LITAF: variants seen among roughly 807,000 people sequenced by gnomAD.
LITAF encodes the protein lipopolysaccharide induced TNF factor, also known as lipopolysaccharide-induced tumor necrosis factor-alpha factor.
LITAF carries 9 observed loss-of-function variants against 14.5 expected under a neutral mutation model. The ratio of observed to expected loss-of-function variants is 0.62; its 90% CI spans 0.37 to 1.08. The LOEUF is 1.08. Among genes scored for constraint, LITAF ranks in the 50% least tolerant of loss-of-function variants. The pLI is 0.01. For missense variants in LITAF, 206 were observed against 213.4 expected (o/e 0.97, Z 0.22); for synonymous variants, 98 against 88.2 (o/e 1.11, Z -0.62).
Position 11,548,782 on chromosome 16 carries a change from C to T in LITAF, c.*855G>A. ...CTTGAGCCCAGGAGTTCGACACCAG[C>T]CTGGGCAACATAGTAAGACCCCATC... On this transcript the variant is annotated 3_prime_UTR_variant, in exon 4 of 4. Coordinates refer to ENST00000622633, the MANE Select transcript of LITAF (RefSeq NM_001136472.2). The T allele has an allele frequency of 2.2e-6, 1 of 453,202 alleles. No homozygotes were observed. The highest frequency in any genetic ancestry group is 1.6e-5 in the South Asian group (1 of 64,194). The allele number at this position is 453,202 out of a possible 1,614,324, so 28.1% of individuals were successfully genotyped here.
Position 11,627,118 on chromosome 16 carries a change from A to G in LITAF, c.85+6415T>C, listed in dbSNP as rs143836933. ...CCTTCCTAGCCCCAGGGGCTGTGTC[A>G]TGCACATGACCAAGCCTGGCCAGTG... On this transcript the variant is annotated intron_variant, in intron 3 of 3. Transcript: ENST00000574848. Among the ~76,000 whole-genome samples, 1,331 of 152,234 alleles carry G rather than the reference A, an allele frequency of 8.7e-3. 26 individuals carry two copies. The highest frequency in any genetic ancestry group is 0.031 in the African/African-American group (1,288 of 41,536).
At chr16:11,579,504 TAAAATAAAATAAAATAAA>T (rs2064700144) in intron 1 of LITAF, among the ~76,000 whole-genome samples, 1 of 102,334 alleles carries the variant, frequency 9.8e-6, no homozygotes, top group Admixed American at 9.2e-5. Flanking sequence ...TAAAATAAAA[TAAAATAAAATAAAATAAA>T]ATAAAATATA....
In LITAF at chr16:11,551,675, T is replaced by A. The variant is rs28482114; in HGVS notation, c.377+1858A>T. 285 of 612,220 alleles carry A rather than the reference T, an allele frequency of 4.7e-4. 1 individual carries two copies. Among genetic ancestry groups the A allele is most frequent in the Non-Finnish European group, 6.6e-4 (228 of 343,974 alleles). 37.9% of individuals were successfully genotyped at this position (612,220 alleles called of 1,614,324 possible). A position where few individuals can be genotyped will look rare whatever the true frequency, so the allele number is the denominator to read the frequency against. On this transcript the variant is annotated intron_variant, in intron 3 of 3. Coordinates refer to ENST00000622633, the MANE Select transcript of LITAF (RefSeq NM_001136472.2). ...TGCTTCCACACACACAAAAAAAAAA[T>A]TTAAAAATTAGCTAGGTATGGTGGC...
chr16:11,607,157 C>T (rs371418845), intron 3 of LITAF, among the ~76,000 whole-genome samples: 26 of 152,210 alleles, frequency 1.7e-4, no homozygotes, highest in African/African-American at 4.6e-4. Flanking sequence ...GTTTTCTGTT[C>T]CAAAGTTGGG....
At chr16:11,597,295 T>C (rs2064895857) in intron 1 of LITAF, among the ~76,000 whole-genome samples, 1 of 152,118 alleles carries the variant, frequency 6.6e-6, no homozygotes, top group Non-Finnish European at 1.5e-5. Flanking sequence ...CACGTCTTCA[T>C]AACACAGAAG....
Position 11,548,066 on chromosome 16 carries a change from T to C in LITAF, c.*1571A>G, listed in dbSNP as rs946655718. ...ACCAAAGTACTATGTGGTATCCATA[T>C]TCGTTGCAAAAATGATAATTACTGG... On this transcript the variant is annotated 3_prime_UTR_variant, in exon 4 of 4. Transcript: ENST00000622633. 2 of 454,116 alleles carry C rather than the reference T, an allele frequency of 4.4e-6. No individual in the cohort carries two copies. Among genetic ancestry groups the C allele is most frequent in the Non-Finnish European group, 8.8e-6 (2 of 226,790 alleles). 28.1% of individuals were successfully genotyped at this position (454,116 alleles called of 1,614,324 possible).
chr16:11,549,325 C>T lies in LITAF; in HGVS notation c.*312G>A. ...GAAAAAAGAGCCACTGATGGCAGAT[C>T]ACAGGAAGATATTCGGATAGGGCAA... On this transcript the variant is annotated 3_prime_UTR_variant, in exon 4 of 4. Coordinates refer to ENST00000622633, the MANE Select transcript of LITAF (RefSeq NM_001136472.2). This position sits in a 1 kb window ranked among gnomAD's most constrained non-coding sequence, Gnocchi z 4.6. 1 of 461,784 alleles carries T rather than the reference C, an allele frequency of 2.2e-6. No individual in the cohort carries two copies. The highest frequency in any genetic ancestry group is 4.3e-6 in the Non-Finnish European group (1 of 230,448). The allele number at this position is 461,784 out of a possible 1,614,324, so 28.6% of individuals were successfully genotyped here. A position where few individuals can be genotyped will look rare whatever the true frequency, so the allele number is the denominator to read the frequency against.
Position 11,586,912 on chromosome 16 carries a change from G to A in LITAF, c.-32C>T, listed in dbSNP as rs2064814436. ...GCCGCCCGCGCCGCCTGTCGAGCCG[G>A]GAGGTCTGAGCTGGCCTCTCGGGCG... On this transcript the variant is annotated 5_prime_UTR_variant, in exon 1 of 4. Coordinates refer to ENST00000622633, the MANE Select transcript of LITAF (RefSeq NM_001136472.2). This position sits in a 1 kb window ranked among gnomAD's most constrained non-coding sequence, Gnocchi z 6.5. 1 of 150,608 alleles carries A rather than the reference G, an allele frequency of 6.6e-6. No individual in the cohort carries two copies. Among genetic ancestry groups the A allele is most frequent in the Non-Finnish European group, 1.5e-5 (1 of 67,466 alleles). 9.3% of individuals were successfully genotyped at this position (150,608 alleles called of 1,614,324 possible). A position where few individuals can be genotyped will look rare whatever the true frequency, so the allele number is the denominator to read the frequency against.
chr16:11,623,931 C>G (rs2065067461), intron 3 of LITAF, among the ~76,000 whole-genome samples: 1 of 152,110 alleles, frequency 6.6e-6, no homozygotes, highest in Non-Finnish European at 1.5e-5. Flanking sequence ...CGTGCCATTG[C>G]ACTCCAGCCT....
intron 3 of LITAF, among the ~76,000 whole-genome samples, chr16:11,607,190 G>A (rs1302606731): frequency 6.6e-6 from 1 of 152,108 alleles, no homozygotes. Context: ...CCACTCTCAG[G>A]GCAGGTGCCC....
chr16:11,608,342 G>C (rs911602794), intron 3 of LITAF, among the ~76,000 whole-genome samples: 1 of 152,210 alleles, frequency 6.6e-6, no homozygotes, highest in Non-Finnish European at 1.5e-5. Flanking sequence ...GGAACAAGTT[G>C]GATTCTACCG....
intron 1 of LITAF, among the ~76,000 whole-genome samples, chr16:11,563,249 A>G (rs2064400773): frequency 6.6e-6 from 1 of 152,086 alleles, no homozygotes; most frequent in African/African-American, 2.4e-5. Context: ...CCCAGGCTCA[A>G]GCAATTCTCG....
chr16:11,587,865 A>G (rs2064823826), upstream of LITAF, among the ~76,000 whole-genome samples: 1 of 152,144 alleles, frequency 6.6e-6, no homozygotes, highest in Non-Finnish European at 1.5e-5. Flanking sequence ...GGGCAGAACC[A>G]TGATGTGGCC....
intron 1 of LITAF, among the ~76,000 whole-genome samples, chr16:11,576,202 C>G (rs1363897317): frequency 1.3e-5 from 2 of 151,932 alleles, no homozygotes; most frequent in Non-Finnish European, 2.9e-5. Flanking sequence ...GGCACGGTGG[C>G]TCATGCCTGT....
At chr16:11,559,710 C>G (rs887436374) in intron 1 of LITAF, among the ~76,000 whole-genome samples, 1 of 151,122 alleles carries the variant, frequency 6.6e-6, no homozygotes, top group East Asian at 1.9e-4. Flanking sequence ...AATGTGGCTA[C>G]TAGGCCGGGC....
chr16:11,575,509 G>A (rs2064618246), intron 1 of LITAF: 1 of 152,150 alleles, frequency 6.6e-6, no homozygotes, highest in African/African-American at 2.4e-5. Context: ...GGTTTATGGG[G>A]GACCCCACCA....
intron 1 of LITAF, among the ~76,000 whole-genome samples, chr16:11,585,466 A>C (rs938686657): frequency 1.3e-5 from 2 of 152,190 alleles, no homozygotes; most frequent in African/African-American, 4.8e-5. Context: ...CTGGTGGAGA[A>C]GAAAGCCAAG....
upstream of LITAF, among the ~76,000 whole-genome samples, chr16:11,589,674 A>G (rs2064836572): frequency 1.4e-5 from 2 of 142,420 alleles, no homozygotes; most frequent in African/African-American, 2.6e-5. Context: ...GCTGCAGTAC[A>G]GTGGCTCGAT....
intron 1 of LITAF, among the ~76,000 whole-genome samples, chr16:11,563,837 C>A (rs1192893898): frequency 1.3e-5 from 2 of 151,962 alleles, no homozygotes; most frequent in Non-Finnish European, 2.9e-5. Flanking sequence ...TGCTTCAAGC[C>A]CTTAGCAAAA....
Sources: gnomAD v4.1 joint callset for allele counts (sites outside exome capture counted in the v4.1 genomes callset) on GRCh38, gnomAD v4.1.1 for gene constraint, Gnocchi (gnomAD v3.1) non-coding constraint, MANE v1.5 for transcripts, NCBI Gene and HGNC (gene_info 2026-07-23, HGNC 2026-07-21) for gene names.